The following HIVEP1 variants were observed in gnomAD, a reference collection of about 807,000 sequenced individuals.
HIVEP1 encodes the protein zinc finger protein 40.
In HIVEP1, 36 loss-of-function variants were observed where a neutral mutation model predicts 180.0. The ratio of observed to expected loss-of-function variants is 0.20; its 90% CI spans 0.15 to 0.26. The LOEUF (loss-of-function observed/expected upper bound fraction) is 0.26. Ranked by LOEUF, HIVEP1 falls within the 10% of genes least tolerant of loss-of-function variation. The pLI is 1.00. For synonymous variants in HIVEP1, 1,239 were observed against 1,239.0 expected, an observed-to-expected ratio of 1.00 and a Z score of 0.00; for missense variants, 3,143 against 3,268.7, an observed-to-expected ratio of 0.96 and a Z score of 0.94.
chr6:12,201,935 G>A, the HIVEP1 span, among the ~76,000 whole-genome samples: 1 of 152,114 alleles, frequency 6.6e-6, no homozygotes. Context: ...TGAGTTGGAG[G>A]ATAAAAGGAA....
chr6:12,103,040 G>T (rs1014521914), intron 3 of HIVEP1, among the ~76,000 whole-genome samples: 2 of 151,754 alleles, frequency 1.3e-5, no homozygotes, highest in South Asian at 2.1e-4. Context: ...TTTATGAGAA[G>T]GGTATTAAAC....
intron 2 of HIVEP1, among the ~76,000 whole-genome samples, chr6:12,030,516 A>G (rs933334481): frequency 6.6e-6 from 1 of 152,160 alleles, no homozygotes; most frequent in Non-Finnish European, 1.5e-5. Flanking sequence ...ATCTTCAAAT[A>G]TATGGATTGT....
chr6:12,066,726 G>A (rs1162451125), intron 2 of HIVEP1, among the ~76,000 whole-genome samples: 1 of 152,040 alleles, frequency 6.6e-6, no homozygotes, highest in Admixed American at 6.6e-5. Flanking sequence ...TATTTGTTCG[G>A]AACCACTTTA....
In HIVEP1 at chr6:12,130,770, T is replaced by C. The variant is rs755076469; in HGVS notation, c.6213T>C (p.Tyr2071=). 3.6e-5 allele frequency: 56 copies of C among 1,565,984 alleles called. No individual in the cohort carries two copies. The highest frequency in any genetic ancestry group is 4.7e-5 in the Non-Finnish European group (54 of 1,144,462). ...TCATTTTTTTTCTTTAAATTAGATA[T>C]AAGTCAAATGAAGAGTATGTATATG... ...PRRIKIFDGG[Y]KSNEEYVYVR... is the part of the protein sequence containing the mutation. Residue 2071 remains tyrosine, a synonymous_variant, in exon 6 of 9, where the codon TAT becomes TAC. Coordinates refer to ENST00000379388, the MANE Select transcript of HIVEP1 (RefSeq NM_002114.4).
At chr6:12,094,252 G>A (rs973792224) in intron 3 of HIVEP1, among the ~76,000 whole-genome samples, 28 of 151,980 alleles carry the variant, frequency 1.8e-4, no homozygotes, top group African/African-American at 6.3e-4. Context: ...TTGTCTGCTG[G>A]TGTTTTCAGA....
the HIVEP1 span, among the ~76,000 whole-genome samples, chr6:12,210,642 G>C: frequency 1.3e-5 from 2 of 152,318 alleles, no homozygotes; most frequent in Non-Finnish European, 2.9e-5. Context: ...CAGTATGTTG[G>C]AGACAGCGTC....
chr6:12,101,631 T>C (rs1581683479), intron 3 of HIVEP1, among the ~76,000 whole-genome samples: 1 of 151,820 alleles, frequency 6.6e-6, no homozygotes, highest in Non-Finnish European at 1.5e-5. Context: ...AAATTAAATA[T>C]TACATTTGAA....
intron 7 of HIVEP1, among the ~76,000 whole-genome samples, chr6:12,142,624 T>G (rs1256064032): frequency 6.6e-6 from 1 of 151,702 alleles, no homozygotes; most frequent in East Asian, 1.9e-4. Context: ...TCAACAAAAT[T>G]GATAGACTGC....
intron 2 of HIVEP1, among the ~76,000 whole-genome samples, chr6:12,017,116 C>A (rs1267669398): frequency 6.6e-6 from 1 of 152,168 alleles, no homozygotes; most frequent in African/African-American, 2.4e-5. Flanking sequence ...AATATATGTT[C>A]ATAACATTCT....
At chr6:12,207,903 CA>C in the HIVEP1 span, among the ~76,000 whole-genome samples, 171 of 91,096 alleles carry the variant, frequency 1.9e-3, no homozygotes, top group Middle Eastern at 0.011. Flanking sequence ...GACTCTGTCT[CA>C]AAAAAAAAAA....
At chr6:12,205,169 G>A in the HIVEP1 span, among the ~76,000 whole-genome samples, 1 of 152,140 alleles carries the variant, frequency 6.6e-6, no homozygotes, top group Admixed American at 6.6e-5. Flanking sequence ...TGGGAAGCCA[G>A]TAAAAAAATT....
intron 8 of HIVEP1, 84 bp downstream of exon 8, chr6:12,162,013 T>A (rs1421684282): frequency 7.9e-7 from 1 of 1,260,342 alleles, no homozygotes. Context: ...AAGAAAATAA[T>A]GCACTTAAGT....
At chr6:12,099,746 T>G (rs1774000187) in intron 3 of HIVEP1, among the ~76,000 whole-genome samples, 2 of 152,032 alleles carry the variant, frequency 1.3e-5, no homozygotes, top group Non-Finnish European at 2.9e-5. Flanking sequence ...GAATCGATGA[T>G]GGATGGTAGA....
Position 12,121,467 on chromosome 6 carries a change from A to G in HIVEP1, c.1672A>G (p.Thr558Ala), listed in dbSNP as rs754148064. The G allele has an allele frequency of 1.2e-6, 2 of 1,614,212 alleles. No homozygotes were observed. The highest frequency in any genetic ancestry group is 2.2e-5 in the East Asian group (1 of 44,880). Residue 558 changes from threonine (T) to alanine (A), a missense_variant, in exon 4 of 9, where the codon ACA (threonine) becomes GCA (alanine). Physicochemically the swap from Thr to Ala is moderately conservative, Grantham distance 58. Transcript: ENST00000379388. This position sits in a 1 kb window ranked among gnomAD's most constrained non-coding sequence, Gnocchi z 5.3. Reference sequence around the variant, plus strand: ...CAGATCTGCAGAATCACAAGCTGTGACAGAGTTACCGAAAGTTGTGGTCCA... The same window carrying G: ...CAGATCTGCAGAATCACAAGCTGTGGCAGAGTTACCGAAAGTTGTGGTCCA... ...QDRSAESQAV[T>A]ELPKVVVHHV...
At chr6:12,176,207 G>C in the HIVEP1 span, among the ~76,000 whole-genome samples, 1 of 150,846 alleles carries the variant, frequency 6.6e-6, no homozygotes. Context: ...TTTGACTCGG[G>C]GTAATTTTGT....
chr6:12,201,404 G>T, the HIVEP1 span, among the ~76,000 whole-genome samples: 1 of 152,206 alleles, frequency 6.6e-6, no homozygotes, highest in Non-Finnish European at 1.5e-5. Context: ...TTGAGCCTGG[G>T]AGGTGGAGGC....
intron 2 of HIVEP1, among the ~76,000 whole-genome samples, chr6:12,068,094 T>C (rs1242500435): frequency 6.6e-6 from 1 of 152,154 alleles, no homozygotes; most frequent in African/African-American, 2.4e-5. Context: ...CTCAGAATAC[T>C]TTTTTTGTTT....
chr6:12,088,079 C>T (rs1163475757), intron 2 of HIVEP1, among the ~76,000 whole-genome samples: 1 of 152,136 alleles, frequency 6.6e-6, no homozygotes, highest in Non-Finnish European at 1.5e-5. Flanking sequence ...CTCTGAATTT[C>T]TTGGCCTTTC....
Position 12,120,194 on chromosome 6 carries a change from G to A in HIVEP1, c.399G>A (p.Lys133=), listed in dbSNP as rs1247064566. ...SKSEESVSPK[K]PLFLQQPSEL... is the part of the protein sequence containing the mutation. Reference sequence around the variant, plus strand: ...CTGAAGAATCTGTCTCCCCAAAGAAGCCCTTGTTTCTGCAGCAACCATCTG... The same window carrying A: ...CTGAAGAATCTGTCTCCCCAAAGAAACCCTTGTTTCTGCAGCAACCATCTG... Residue 133 remains lysine, a synonymous_variant, in exon 4 of 9, where the codon AAG becomes AAA. Coordinates refer to ENST00000379388, the MANE Select transcript of HIVEP1 (RefSeq NM_002114.4). The A allele has an allele frequency of 3.7e-6, 6 of 1,614,176 alleles. No homozygotes were observed. Among genetic ancestry groups the A allele is most frequent in the Non-Finnish European group, 5.1e-6 (6 of 1,180,030 alleles).
Sources: allele counts gnomAD v4.1 joint callset (sites outside exome capture counted in the v4.1 genomes callset), GRCh38; gene constraint gnomAD v4.1.1; non-coding constraint Gnocchi (gnomAD v3.1); transcripts MANE v1.5; gene names NCBI Gene and HGNC (gene_info 2026-07-23, HGNC 2026-07-21).